Variants in PRKCH observed in about 807,000 individuals in gnomAD.
PRKCH encodes protein kinase C eta type.
Under a neutral mutation model 82.5 loss-of-function variants are expected in PRKCH, and 28 were observed. The observed-to-expected ratio is 0.34, with a 90% CI of 0.25 to 0.47. PRKCH has a LOEUF of 0.47. Among genes scored for constraint, PRKCH ranks in the 20% least tolerant of loss-of-function variants. The probability of loss-of-function intolerance (pLI) is 1.00; values close to 1 mark genes in which losing one functional copy is unlikely to be tolerated. For synonymous variants in PRKCH, 322 were observed against 327.4 expected, an observed-to-expected ratio of 0.98 and a Z score of 0.18; for missense variants, 705 against 881.8, an observed-to-expected ratio of 0.80 and a Z score of 2.54.
intron 1 of PRKCH, among the ~76,000 whole-genome samples, chr14:61,384,396 C>T (rs2046556301): frequency 6.6e-6 from 1 of 150,788 alleles, no homozygotes; most frequent in Admixed American, 6.6e-5. Context: ...ACCCCGTTCC[C>T]TTGCCCCAGA....
At chr14:61,319,764 C>T (rs1355434685), upstream of PRKCH, among the ~76,000 whole-genome samples, 1 of 152,136 alleles carries the variant, frequency 6.6e-6, no homozygotes, top group Non-Finnish European at 1.5e-5. Flanking sequence ...CAAACAGGAG[C>T]CCCCTGGACG....
At chr14:61,515,988 A>G (rs2042822566) in intron 10 of PRKCH, among the ~76,000 whole-genome samples, 1 of 152,140 alleles carries the variant, frequency 6.6e-6, no homozygotes, top group South Asian at 2.1e-4. Context: ...TTTCTTGATG[A>G]GGAAATAAGC....
intron 12 of PRKCH, among the ~76,000 whole-genome samples, chr14:61,540,651 G>A (rs1410754530): frequency 2.0e-5 from 3 of 152,142 alleles, no homozygotes; most frequent in Admixed American, 6.5e-5. Flanking sequence ...GGTAGTAATG[G>A]CTACCACTTC....
intron 1 of PRKCH, among the ~76,000 whole-genome samples, chr14:61,337,119 A>T (rs1473307409): frequency 2.1e-5 from 3 of 143,392 alleles, no homozygotes; most frequent in African/African-American, 2.5e-5. Flanking sequence ...GGATTTATAG[A>T]TGTATTCAAG....
rs569174646 is a variant in PRKCH, at chr14:61,497,755, A to C, written c.1433+12099A>C. ...ATTGCTTCTCAGGAGTGTCCTTTTC[A>C]GTATAAGAGGATGGGCTCTTTAAAC... On this transcript the variant is annotated intron_variant, in intron 10 of 13. Transcript: ENST00000332981. Among the ~76,000 whole-genome samples, 3 of 152,214 alleles carry C rather than the reference A, an allele frequency of 2.0e-5. No homozygotes were observed. In the South Asian group the frequency reaches 6.2e-4, roughly 32 times the overall value.
intron 1 of PRKCH, chr14:61,279,712 A>C (rs1344447484): frequency 5.1e-6 from 1 of 197,622 alleles, no homozygotes; most frequent in African/African-American, 2.4e-5. Flanking sequence ...TTCAGGAGTC[A>C]CTTGCAGCTG....
chr14:61,276,354 T>C (rs538165293), intron 1 of PRKCH, among the ~76,000 whole-genome samples: 14 of 152,036 alleles, frequency 9.2e-5, no homozygotes, highest in African/African-American at 3.4e-4. Flanking sequence ...GGGACTTTTT[T>C]TTTTTTTCTT....
chr14:61,447,143 A>T (rs969723324), intron 4 of PRKCH, among the ~76,000 whole-genome samples: 4 of 152,230 alleles, frequency 2.6e-5, no homozygotes, highest in African/African-American at 9.6e-5. Flanking sequence ...AAAAAGGAAA[A>T]TTATCAGGAA....
intron 1 of PRKCH, among the ~76,000 whole-genome samples, chr14:61,294,206 C>T (rs1009041826): frequency 2.6e-5 from 4 of 152,122 alleles, no homozygotes; most frequent in East Asian, 3.9e-4. Flanking sequence ...CTGCAAGCTC[C>T]ACCTCCTGGG....
chr14:61,414,816 C>T (rs1882469291), intron 2 of PRKCH, among the ~76,000 whole-genome samples: 1 of 152,140 alleles, frequency 6.6e-6, no homozygotes, highest in Non-Finnish European at 1.5e-5. Flanking sequence ...CATCTTCTGT[C>T]CCCACACTCT....
At chr14:61,254,591 G>A (rs902205377) in intron 1 of PRKCH, among the ~76,000 whole-genome samples, 2 of 152,038 alleles carry the variant, frequency 1.3e-5, no homozygotes, top group African/African-American at 2.4e-5. Context: ...ACTCCATCCC[G>A]GTGACAGACC....
At chr14:61,477,984 C>CAG (rs2140320186) in intron 9 of PRKCH, among the ~76,000 whole-genome samples, 1 of 152,322 alleles carries the variant, frequency 6.6e-6, no homozygotes, top group African/African-American at 2.4e-5. Flanking sequence ...CCTCGAGACC[C>CAG]AGTGCATGCA....
At chr14:61,289,229 G>A (rs1440871969) in intron 1 of PRKCH, among the ~76,000 whole-genome samples, 1 of 152,180 alleles carries the variant, frequency 6.6e-6, no homozygotes, top group African/African-American at 2.4e-5. Context: ...AAAGGAAGGG[G>A]ACCAGCATGA....
chr14:61,507,655 T>G (rs1346249393), intron 10 of PRKCH, among the ~76,000 whole-genome samples: 1 of 152,030 alleles, frequency 6.6e-6, no homozygotes, highest in Non-Finnish European at 1.5e-5. Context: ...TTATGCCAAA[T>G]GAAATAAGGC....
chr14:61,432,507 A>AT (rs1234914773), intron 2 of PRKCH, among the ~76,000 whole-genome samples: 1 of 151,960 alleles, frequency 6.6e-6, no homozygotes, highest in African/African-American at 2.4e-5. Context: ...TTCTTACTTT[A>AT]TTTTTTTAAT....
At chr14:61,443,030 T>G in intron 2 of PRKCH, 81 bp from the exon 3 acceptor site, 1 of 1,374,094 alleles carries the variant, frequency 7.3e-7, no homozygotes, top group Non-Finnish European at 1.0e-6. Context: ...AGTGAGCACT[T>G]GAACTATCAA....
chr14:61,513,878 T>G (rs2042783621), intron 10 of PRKCH, among the ~76,000 whole-genome samples: 1 of 152,086 alleles, frequency 6.6e-6, no homozygotes, highest in African/African-American at 2.4e-5. Flanking sequence ...GAGGATATAG[T>G]GATTGACTGA....
chr14:61,498,176 G>A (rs1387534357), intron 10 of PRKCH, among the ~76,000 whole-genome samples: 1 of 152,032 alleles, frequency 6.6e-6, no homozygotes, highest in Non-Finnish European at 1.5e-5. Flanking sequence ...ACCACACTCG[G>A]CTAATTTTTG....
chr14:61,549,262 G>A (rs1372141990), intron 13 of PRKCH, among the ~76,000 whole-genome samples: 1 of 152,218 alleles, frequency 6.6e-6, no homozygotes, highest in Non-Finnish European at 1.5e-5. Context: ...CAAATGTCTA[G>A]AACTCTGCGC....
Sources: gnomAD v4.1 joint callset for allele counts (sites outside exome capture counted in the v4.1 genomes callset) on GRCh38, gnomAD v4.1.1 for gene constraint, MANE v1.5 for transcripts, NCBI Gene and HGNC (gene_info 2026-07-23, HGNC 2026-07-21) for gene names.